KLRD1: variants seen among roughly 807,000 people sequenced by gnomAD.
The protein encoded by KLRD1 is killer cell lectin like receptor D1.
Under a neutral mutation model 22.6 loss-of-function variants are expected in KLRD1, and 21 were observed. The observed-to-expected ratio is 0.93, with a 90% CI of 0.66 to 1.34. The LOEUF (loss-of-function observed/expected upper bound fraction) is 1.34, where lower values mean the gene tolerates loss of function less well. KLRD1 is among the 40% of genes most tolerant of loss of function. KLRD1 has a pLI of 0.00. For synonymous variants in KLRD1, 59 were observed against 71.1 expected (o/e 0.83, Z 0.85); for missense variants, 183 against 208.6 (o/e 0.88, Z 0.76).
In KLRD1 at chr12:10,316,103, G is replaced by C. The variant is rs562127168; in HGVS notation, c.*1310G>C. On this transcript the variant is annotated 3_prime_UTR_variant, in exon 6 of 6. Coordinates refer to ENST00000336164, the MANE Select transcript of KLRD1 (RefSeq NM_002262.5). The stretch of plus-strand genomic sequence containing the variant: ...ACTGCACTCCAGCCTGGGTGACAGA[G>C]CCAGACTCCTCTCCAAAAAAAAAAA... 1.7e-5 allele frequency: 2 copies of C among 114,994 alleles called. No individual in the cohort carries two copies. Among genetic ancestry groups the C allele is most frequent in the East Asian group, 5.5e-4 (2 of 3,628 alleles). 7.1% of individuals were successfully genotyped at this position (114,994 alleles called of 1,614,324 possible). A position where few individuals can be genotyped will look rare whatever the true frequency, so the allele number is the denominator to read the frequency against.
chr12:10,313,086 C>A (rs1950134831), intron 4 of KLRD1, among the ~76,000 whole-genome samples: 1 of 152,106 alleles, frequency 6.6e-6, no homozygotes, highest in Non-Finnish European at 1.5e-5. Context: ...ATTCCTCCTT[C>A]ACAATACCAT....
At chr12:10,249,562 A>G (rs1592023674) in intron 1 of KLRD1, among the ~76,000 whole-genome samples, 1 of 152,328 alleles carries the variant, frequency 6.6e-6, no homozygotes, top group Non-Finnish European at 1.5e-5. Context: ...TTGTGCCCTT[A>G]TCATATATCA....
At position 10,320,119 on chromosome 12, in the gene KLRD1, C is replaced by A. The variant is rs1323058241; in HGVS notation, c.*5326C>A. 2.0e-5 allele frequency: 3 copies of A among 151,890 alleles called. No individual in the cohort carries two copies. In the East Asian group the frequency reaches 5.8e-4, roughly 30 times the overall value. The allele number at this position is 151,890 out of a possible 1,614,324, so 9.4% of individuals were successfully genotyped here. A position where few individuals can be genotyped will look rare whatever the true frequency, so the allele number is the denominator to read the frequency against. The stretch of plus-strand genomic sequence containing the variant: ...CTGACCTCAGGTGATCTGCCTACCT[C>A]ACCCTCCCAAAGTGCTGGGATTACA... On this transcript the variant is annotated 3_prime_UTR_variant, in exon 6 of 6. Coordinates refer to ENST00000336164, the MANE Select transcript of KLRD1 (RefSeq NM_002262.5).
At chr12:10,260,721 A>T (rs547174780) in intron 1 of KLRD1, among the ~76,000 whole-genome samples, 2 of 152,274 alleles carry the variant, frequency 1.3e-5, no homozygotes, top group African/African-American at 4.8e-5. Context: ...TGGGCAGATC[A>T]CAAGGTCAGG....
At chr12:10,262,188 A>G (rs1949459999) in intron 1 of KLRD1, among the ~76,000 whole-genome samples, 1 of 152,104 alleles carries the variant, frequency 6.6e-6, no homozygotes, top group Non-Finnish European at 1.5e-5. Context: ...AAGAAAATGT[A>G]AGAATGAATA....
At position 10,321,944 on chromosome 12, in the gene KLRD1, T is replaced by A. The variant is rs1394283153; in HGVS notation, c.*7151T>A. 6.6e-6 allele frequency: 1 copy of A among 152,242 alleles called. No individual in the cohort carries two copies. The highest frequency in any genetic ancestry group is 6.5e-5 in the Admixed American group (1 of 15,286). 9.4% of individuals were successfully genotyped at this position (152,242 alleles called of 1,614,324 possible). On this transcript the variant is annotated 3_prime_UTR_variant, in exon 6 of 6. Coordinates refer to ENST00000336164, the MANE Select transcript of KLRD1 (RefSeq NM_002262.5). The stretch of plus-strand genomic sequence containing the variant: ...ATTTCTGACCTCAGAAACTGTGAAG[T>A]GAAATATTTTGTTGTTTTAAGCTTA...
chr12:10,308,282 G>A lies in KLRD1; in HGVS notation c.7+198G>A, dbSNP rs1463107628. 9 of 576,818 alleles carry A rather than the reference G, an allele frequency of 1.6e-5. No individual in the cohort carries two copies. In the Admixed American group the frequency reaches 1.8e-4, roughly 12 times the overall value. The allele number at this position is 576,818 out of a possible 1,614,324, so 35.7% of individuals were successfully genotyped here. A position where few individuals can be genotyped will look rare whatever the true frequency, so the allele number is the denominator to read the frequency against. ...TATAACTTAGACATGATTTCATGAAGTTTTTTCCACAGGTTTGAAGAGTGG... is the reference window on the plus strand; with the variant it reads ...TATAACTTAGACATGATTTCATGAAATTTTTTCCACAGGTTTGAAGAGTGG... On this transcript the variant is annotated intron_variant, in intron 1 of 5. Transcript: ENST00000336164.
chr12:10,304,297 AAGG>A (rs1293180090), upstream of KLRD1: 2 of 152,226 alleles, frequency 1.3e-5, no homozygotes, highest in Non-Finnish European at 2.9e-5. Flanking sequence ...GTTTACACAA[AAGG>A]AGATGTTTTG....
At position 10,324,818 on chromosome 12, in the gene KLRD1, G is replaced by GTATATATATATATATATATATATATA. The variant is rs1555113906; in HGVS notation, c.*10050_*10051insATATATATATATATATATATATATAT. The GTATATATATATATATATATATATATA allele has an allele frequency of 1.6e-3, 117 of 74,136 alleles. 4 individuals carry two copies. The highest frequency in any genetic ancestry group is 2.7e-3 in the South Asian group (4 of 1,464). The allele number at this position is 74,136 out of a possible 1,614,324, so 4.6% of individuals were successfully genotyped here. On this transcript the variant is annotated 3_prime_UTR_variant, in exon 6 of 6. Transcript: ENST00000336164. ...AGTATATATGTATATGTGTGTGTGT[G>GTATATATATATATATATATATATATA]TATATATATATATATATATATATAT...
chr12:10,299,469 A>G (rs1949849404), upstream of KLRD1, among the ~76,000 whole-genome samples: 1 of 152,246 alleles, frequency 6.6e-6, no homozygotes, highest in Non-Finnish European at 1.5e-5. Flanking sequence ...CCTAATGTAT[A>G]TAAAAGTTAT....
chr12:10,270,785 ATTT>A (rs35919296), intron 1 of KLRD1, among the ~76,000 whole-genome samples: 6 of 130,232 alleles, frequency 4.6e-5, no homozygotes, highest in Admixed American at 8.0e-5. Flanking sequence ...CCCTCCCGTA[ATTT>A]TTTTTTTTTT....
intron 1 of KLRD1, among the ~76,000 whole-genome samples, chr12:10,247,647 A>G (rs551604611): frequency 2.6e-5 from 4 of 152,312 alleles, no homozygotes; most frequent in African/African-American, 9.6e-5. Flanking sequence ...CTCATCTTGA[A>G]TTGAAGTTCC....
chr12:10,306,613 GAC>G (rs1240894025), upstream of KLRD1, among the ~76,000 whole-genome samples: 37 of 152,140 alleles, frequency 2.4e-4, no homozygotes, highest in African/African-American at 8.4e-4. Context: ...GTTTCTTCCA[GAC>G]CAGCTTTTTC....
intron 1 of KLRD1, among the ~76,000 whole-genome samples, chr12:10,286,893 C>G (rs979046762): frequency 6.6e-5 from 10 of 152,016 alleles, no homozygotes; most frequent in African/African-American, 2.4e-4. Context: ...AATCCCAGCA[C>G]TCTGGGAGGC....
chr12:10,239,567 C>CTTTCTT lies in KLRD1; in HGVS notation c.-101+13336_-101+13341dup, dbSNP rs1949221653. Reference sequence around the variant, plus strand: ...TCTTTCTTTCTTTCTTTCTTTCTTTCTTTCTTTCTTTCTTTCTTTTTCTTT... The same window carrying CTTTCTT: ...TCTTTCTTTCTTTCTTTCTTTCTTTCTTTCTTTTTCTTTCTTTCTTTCTTTTTCTTT... On this transcript the variant is annotated intron_variant, in intron 1 of 5. Transcript: ENST00000544747. 1.5e-5 allele frequency among the ~76,000 whole-genome samples: 2 copies of CTTTCTT among 129,384 alleles called. 1 individual carries two copies. The highest frequency in any genetic ancestry group is 3.3e-5 in the Non-Finnish European group (2 of 61,166). The allele number at this position is 129,384 out of a possible 152,430, so 84.9% of individuals were successfully genotyped here.
chr12:10,286,565 A>G (rs1343946562), intron 1 of KLRD1, among the ~76,000 whole-genome samples: 1 of 152,012 alleles, frequency 6.6e-6, no homozygotes, highest in Admixed American at 6.6e-5. Context: ...TAGCAGATTG[A>G]AGAAGCAGAA....
At chr12:10,246,598 C>T (rs759290087) in intron 1 of KLRD1, among the ~76,000 whole-genome samples, 33 of 152,040 alleles carry the variant, frequency 2.2e-4, no homozygotes, top group Admixed American at 1.6e-3. Context: ...TGTTGGCATA[C>T]AATATTATTC....
At chr12:10,246,035 A>G (rs1178081508) in intron 1 of KLRD1, among the ~76,000 whole-genome samples, 1 of 152,148 alleles carries the variant, frequency 6.6e-6, no homozygotes. Flanking sequence ...AAATGTTATG[A>G]TATTTTAACA....
intron 1 of KLRD1, among the ~76,000 whole-genome samples, chr12:10,296,773 C>T (rs938712856): frequency 4.6e-5 from 7 of 152,184 alleles, no homozygotes; most frequent in African/African-American, 9.7e-5. Flanking sequence ...CCAAGGGAAA[C>T]TTACCCCCCG....
Sources: gnomAD v4.1 joint callset for allele counts (sites outside exome capture counted in the v4.1 genomes callset) on GRCh38, gnomAD v4.1.1 for gene constraint, MANE v1.5 for transcripts, NCBI Gene and HGNC (gene_info 2026-07-23, HGNC 2026-07-21) for gene names.